Variants in PPARGC1A observed in about 807,000 individuals in gnomAD.
PPARGC1A encodes PPARG coactivator 1 alpha.
PPARGC1A carries 25 observed loss-of-function variants against 88.7 expected under a neutral mutation model. The ratio of observed to expected loss-of-function variants is 0.28; its 90% confidence interval spans 0.21 to 0.39. The LOEUF (loss-of-function observed/expected upper bound fraction) is 0.39. Ranked by LOEUF, PPARGC1A falls within the 10% of genes least tolerant of loss-of-function variation. The pLI is 1.00. For missense variants in PPARGC1A, 880 were observed against 968.7 expected (o/e 0.91, Z 1.22); for synonymous variants, 363 against 355.6 (o/e 1.02, Z -0.24).
the PPARGC1A span, among the ~76,000 whole-genome samples, chr4:24,123,226 C>T: frequency 6.6e-6 from 1 of 152,194 alleles, no homozygotes; most frequent in African/African-American, 2.4e-5. Context: ...ATTCAACAAC[C>T]AAGCCAGAAC....
At chr4:24,462,073 CA>C in the PPARGC1A span, among the ~76,000 whole-genome samples, 1 of 151,874 alleles carries the variant, frequency 6.6e-6, no homozygotes, top group East Asian at 1.9e-4. Flanking sequence ...ACATGCAGAG[CA>C]GCATGTTTTT....
the PPARGC1A span, among the ~76,000 whole-genome samples, chr4:24,223,088 T>TA: frequency 6.6e-6 from 1 of 152,134 alleles, no homozygotes; most frequent in African/African-American, 2.4e-5. Flanking sequence ...CAGTATGCTT[T>TA]AAAAAATTAT....
the PPARGC1A span, among the ~76,000 whole-genome samples, chr4:24,103,636 G>A: frequency 6.7e-6 from 1 of 149,030 alleles, no homozygotes; most frequent in African/African-American, 2.5e-5. Context: ...AAATGAACCG[G>A]AATTATAGCT....
At chr4:24,124,172 C>T in the PPARGC1A span, among the ~76,000 whole-genome samples, 2 of 152,116 alleles carry the variant, frequency 1.3e-5, no homozygotes, top group African/African-American at 4.8e-5. Flanking sequence ...ACCCATAACC[C>T]CATAATCTAA....
intron 2 of PPARGC1A, among the ~76,000 whole-genome samples, chr4:23,869,913 GC>G (rs1186074468): frequency 6.6e-6 from 1 of 152,136 alleles, no homozygotes; most frequent in Non-Finnish European, 1.5e-5. Context: ...CGTCCCTGTA[GC>G]CAAAAAGCTT....
At chr4:24,063,237 G>C in the PPARGC1A span, among the ~76,000 whole-genome samples, 1 of 152,186 alleles carries the variant, frequency 6.6e-6, no homozygotes, top group Non-Finnish European at 1.5e-5. Context: ...TGGTGAAGTT[G>C]GCAGAGAAGT....
intron 2 of PPARGC1A, among the ~76,000 whole-genome samples, chr4:23,840,561 A>AT (rs1376021368): frequency 4.0e-5 from 6 of 151,844 alleles, no homozygotes; most frequent in Non-Finnish European, 1.5e-5. Flanking sequence ...CATTCTACAC[A>AT]TTTTCCCTAT....
At chr4:24,439,203 GAGA>G in the PPARGC1A span, among the ~76,000 whole-genome samples, 2 of 152,086 alleles carry the variant, frequency 1.3e-5, no homozygotes. Flanking sequence ...CCTTCTTTAA[GAGA>G]AGAACTGATG....
the PPARGC1A span, among the ~76,000 whole-genome samples, chr4:23,959,684 A>G: frequency 1.3e-5 from 2 of 152,054 alleles, no homozygotes; most frequent in African/African-American, 4.8e-5. Context: ...GGGGTCTCCT[A>G]TGAAGATGGA....
the PPARGC1A span, among the ~76,000 whole-genome samples, chr4:23,915,762 G>C: frequency 2.0e-5 from 3 of 152,154 alleles, no homozygotes; most frequent in Non-Finnish European, 4.4e-5. Flanking sequence ...ATTACACCAG[G>C]CTATGAGGCT....
At chr4:23,802,035 A>G (rs996021262) in intron 11 of PPARGC1A, among the ~76,000 whole-genome samples, 154 bp from the exon 12 acceptor site, 1 of 152,164 alleles carries the variant, frequency 6.6e-6, no homozygotes, top group East Asian at 1.9e-4. Context: ...CTAAATACTT[A>G]TTTCTGGGAC....
At chr4:23,949,189 G>A in the PPARGC1A span, among the ~76,000 whole-genome samples, 1,817 of 152,238 alleles carry the variant, frequency 0.012, 43 homozygotes, top group Middle Eastern at 0.037. Context: ...GTTTGAGTAT[G>A]TATGTACTAC....
chr4:24,445,994 A>G, the PPARGC1A span, among the ~76,000 whole-genome samples: 1 of 152,164 alleles, frequency 6.6e-6, no homozygotes, highest in East Asian at 1.9e-4. Context: ...TGAACCTGGG[A>G]GGCAGAGATT....
upstream of PPARGC1A, among the ~76,000 whole-genome samples, chr4:23,890,566 T>A (rs1717679025): frequency 6.6e-6 from 1 of 151,096 alleles, no homozygotes; most frequent in Admixed American, 6.6e-5. Flanking sequence ...ATGAGACATT[T>A]TCTCATTGAG....
At chr4:23,948,128 T>C in the PPARGC1A span, among the ~76,000 whole-genome samples, 1 of 152,180 alleles carries the variant, frequency 6.6e-6, no homozygotes, top group African/African-American at 2.4e-5. Flanking sequence ...TGACTGCTCT[T>C]CTTTTACTTT....
chr4:23,854,013 G>A (rs768409064), intron 2 of PPARGC1A, among the ~76,000 whole-genome samples: 4 of 152,122 alleles, frequency 2.6e-5, no homozygotes, highest in South Asian at 2.1e-4. Context: ...TAAATGAAAC[G>A]TATAAAGTGC....
At chr4:24,285,076 CAA>C in the PPARGC1A span, among the ~76,000 whole-genome samples, 4 of 152,048 alleles carry the variant, frequency 2.6e-5, no homozygotes, top group Non-Finnish European at 1.5e-5. Context: ...TGCAGTGAGG[CAA>C]AGAGGGCATG....
At chr4:24,156,483 G>A in the PPARGC1A span, among the ~76,000 whole-genome samples, 1 of 152,094 alleles carries the variant, frequency 6.6e-6, no homozygotes, top group Non-Finnish European at 1.5e-5. Flanking sequence ...GGAAAGGACT[G>A]TCAAGGGGTG....
At chr4:24,297,086 T>G in the PPARGC1A span, among the ~76,000 whole-genome samples, 1 of 152,094 alleles carries the variant, frequency 6.6e-6, no homozygotes, top group East Asian at 1.9e-4. Flanking sequence ...GAGAAGACAG[T>G]AAAGAAGTGT....
Sources: gnomAD v4.1 joint callset for allele counts (sites outside exome capture counted in the v4.1 genomes callset) on GRCh38, gnomAD v4.1.1 for gene constraint, MANE v1.5 for transcripts, NCBI Gene and HGNC (gene_info 2026-07-23, HGNC 2026-07-21) for gene names.